Variants in PCP4 observed in about 807,000 individuals in gnomAD.
PCP4 encodes calmodulin regulator protein PCP4.
A neutral mutation model predicts 10.0 loss-of-function variants in PCP4; 8 were observed. The observed-to-expected ratio is 0.80, with a 90% CI of 0.47 to 1.45. The LOEUF (loss-of-function observed/expected upper bound fraction) is 1.45, where lower values mean the gene tolerates loss of function less well. Ranked by LOEUF, PCP4 falls within the 40% of genes most tolerant of loss-of-function variation. The pLI, the probability that PCP4 is intolerant of heterozygous loss-of-function variation, is 0.00. For synonymous variants in PCP4, 21 were observed against 23.0 expected (o/e 0.91, Z 0.24); for missense variants, 54 against 74.4 (o/e 0.73, Z 1.01).
chr21:39,887,245 G>T (rs905968350), intron 1 of PCP4, among the ~76,000 whole-genome samples: 3 of 152,110 alleles, frequency 2.0e-5, no homozygotes, highest in African/African-American at 2.4e-5. Context: ...TTCAGCCTTT[G>T]GGTCTTCCAG....
chr21:39,906,021 A>G lies in PCP4; in HGVS notation c.61+7494A>G, dbSNP rs574976717. On this transcript the variant is annotated intron_variant, in intron 2 of 2. Transcript: ENST00000328619. The surrounding 1 kb of genome is among the most constrained non-coding windows in gnomAD (Gnocchi z 6.3). ...GCCGAGACCATGCCACTGCACTCCAACCTGGGTGACAGAGCGAGACTCCGT... is the reference window on the plus strand; with the variant it reads ...GCCGAGACCATGCCACTGCACTCCAGCCTGGGTGACAGAGCGAGACTCCGT... 1.4e-3 allele frequency among the ~76,000 whole-genome samples: 212 copies of G among 152,298 alleles called. 2 individuals are homozygous for G. Among genetic ancestry groups the G allele is most frequent in the African/African-American group, 4.2e-3 (176 of 41,564 alleles).
At chr21:39,900,472 A>G (rs545817252) in intron 2 of PCP4, among the ~76,000 whole-genome samples, 1 of 152,300 alleles carries the variant, frequency 6.6e-6, no homozygotes, top group Non-Finnish European at 1.5e-5. Flanking sequence ...GGTACTGAAG[A>G]AAAGACCTGG....
intron 1 of PCP4, among the ~76,000 whole-genome samples, chr21:39,881,561 C>T (rs898854344): frequency 6.6e-6 from 1 of 152,164 alleles, no homozygotes; most frequent in African/African-American, 2.4e-5. Context: ...GCAGTTCTGA[C>T]ATCACAGCGG....
At chr21:39,917,964 G>C (rs143985710) in intron 2 of PCP4, among the ~76,000 whole-genome samples, 2 of 152,186 alleles carry the variant, frequency 1.3e-5, no homozygotes, top group African/African-American at 4.8e-5. Context: ...CATTCACAAA[G>C]GGATCCTCAT....
intron 2 of PCP4, among the ~76,000 whole-genome samples, chr21:39,913,159 G>C (rs1316421678): frequency 6.6e-6 from 1 of 151,984 alleles, no homozygotes; most frequent in East Asian, 1.9e-4. Flanking sequence ...AGTAGAAAAA[G>C]GTACAGAGCT....
At chr21:39,890,969 C>T (rs982769284) in intron 1 of PCP4, among the ~76,000 whole-genome samples, 2 of 152,146 alleles carry the variant, frequency 1.3e-5, no homozygotes, top group Non-Finnish European at 2.9e-5. Flanking sequence ...TCTGTTCAAG[C>T]CCTGAACTGA....
At chr21:39,899,612 C>T (rs938538730) in intron 2 of PCP4, among the ~76,000 whole-genome samples, 2 of 152,098 alleles carry the variant, frequency 1.3e-5, no homozygotes, top group African/African-American at 4.8e-5. Flanking sequence ...GTAAAGGGGT[C>T]ATCATATCAA....
intron 1 of PCP4, 118 bp from the exon 2 acceptor site, chr21:39,898,358 G>C: frequency 1.2e-6 from 1 of 854,082 alleles, no homozygotes; most frequent in East Asian, 2.4e-5. Context: ...AGCCATCTGA[G>C]CTAAAGTAAC....
intron 2 of PCP4, among the ~76,000 whole-genome samples, chr21:39,909,194 G>A (rs992400411): frequency 2.0e-5 from 3 of 152,192 alleles, no homozygotes; most frequent in Non-Finnish European, 4.4e-5. Flanking sequence ...ATTCGAAGGA[G>A]TAGATATTAC....
chr21:39,883,468 G>C (rs962109472), intron 1 of PCP4: 1 of 152,156 alleles, frequency 6.6e-6, no homozygotes, highest in Admixed American at 6.5e-5. Flanking sequence ...AATATGAGCT[G>C]TGATTTGTAC....
rs572793971 is a variant in PCP4 at position 39,906,651 on chromosome 21, T to A, written c.61+8124T>A. 4.6e-5 allele frequency among the ~76,000 whole-genome samples: 7 copies of A among 152,252 alleles called. No individual in the cohort carries two copies. Among genetic ancestry groups the A allele is most frequent in the Non-Finnish European group, 8.8e-5 (6 of 68,018 alleles). Reference sequence around the variant, plus strand: ...CATCCTTTTCTTCCTTCTTTCTTTTTGAGATTGAGCAGTGGACAGCTTTAG... The same window carrying A: ...CATCCTTTTCTTCCTTCTTTCTTTTAGAGATTGAGCAGTGGACAGCTTTAG... On this transcript the variant is annotated intron_variant, in intron 2 of 2. Coordinates refer to ENST00000328619, the MANE Select transcript of PCP4 (RefSeq NM_006198.3). The surrounding 1 kb of genome is among the most constrained non-coding windows in gnomAD (Gnocchi z 6.3).
At chr21:39,890,163 T>C (rs1176416695) in intron 1 of PCP4, among the ~76,000 whole-genome samples, 2 of 152,182 alleles carry the variant, frequency 1.3e-5, no homozygotes, top group African/African-American at 2.4e-5. Context: ...TGGCCCATGA[T>C]ACAATGAAAA....
chr21:39,895,877 C>T (rs1481162771), intron 1 of PCP4, among the ~76,000 whole-genome samples: 1 of 152,236 alleles, frequency 6.6e-6, no homozygotes, highest in East Asian at 1.9e-4. Context: ...AATTCCCCCT[C>T]TGCCCTCAGA....
At chr21:39,926,793 C>T (rs1430073113) in intron 2 of PCP4, among the ~76,000 whole-genome samples, 4 of 152,196 alleles carry the variant, frequency 2.6e-5, no homozygotes, top group Non-Finnish European at 4.4e-5. Context: ...ACTTTTACTT[C>T]TCCCAGTGAT....
chr21:39,910,290 T>C (rs2087533349), intron 2 of PCP4, among the ~76,000 whole-genome samples: 1 of 152,160 alleles, frequency 6.6e-6, no homozygotes, highest in Non-Finnish European at 1.5e-5. Flanking sequence ...ACCTGGCCTG[T>C]GTAGGAGGGC....
intron 1 of PCP4, among the ~76,000 whole-genome samples, chr21:39,875,166 G>A (rs2087338890): frequency 1.3e-5 from 2 of 152,136 alleles, no homozygotes; most frequent in Non-Finnish European, 2.9e-5. Flanking sequence ...TTCGTTAGGA[G>A]TTGTTAGAGA....
At position 39,874,363 on chromosome 21, in the gene PCP4, A is replaced by G. The variant is rs563539273; in HGVS notation, c.9+6853A>G. On this transcript the variant is annotated intron_variant, in intron 1 of 2. Transcript: ENST00000328619. Reference sequence around the variant, plus strand: ...ATTATTTACGACGGTTTGATAGCAAAATGGGATCCAGATTGGCTTGAGATC... The same window carrying G: ...ATTATTTACGACGGTTTGATAGCAAGATGGGATCCAGATTGGCTTGAGATC... Among the ~76,000 whole-genome samples, 8 of 152,312 alleles carry G rather than the reference A, an allele frequency of 5.3e-5. No homozygotes were observed. The South Asian group carries it at 1.7e-3, about 32-fold the overall frequency.
At chr21:39,913,930 C>T (rs1222177063) in intron 2 of PCP4, among the ~76,000 whole-genome samples, 1 of 137,624 alleles carries the variant, frequency 7.3e-6, no homozygotes, top group Non-Finnish European at 1.6e-5. Context: ...GGGAAGTGCC[C>T]CATGAGATAG....
chr21:39,888,166 C>T (rs370474792), intron 1 of PCP4, among the ~76,000 whole-genome samples: 6 of 152,090 alleles, frequency 3.9e-5, no homozygotes, highest in South Asian at 2.1e-4. Context: ...GACACAGCAC[C>T]GGGGGATAGA....
Sources: allele counts gnomAD v4.1 joint callset (sites outside exome capture counted in the v4.1 genomes callset), GRCh38; gene constraint gnomAD v4.1.1; non-coding constraint Gnocchi (gnomAD v3.1); transcripts MANE v1.5; gene names NCBI Gene and HGNC (gene_info 2026-07-23, HGNC 2026-07-21).